STXBP5: variants seen among roughly 807,000 people sequenced by gnomAD.
The protein encoded by STXBP5 is syntaxin binding protein 5.
STXBP5 carries 50 observed loss-of-function variants against 152.4 expected under a neutral mutation model. That is an observed-to-expected ratio of 0.33 (90% CI 0.26 to 0.42). The LOEUF is 0.42. Among genes scored for constraint, STXBP5 ranks in the 10% least tolerant of loss-of-function variants. The pLI is 1.00. For missense variants in STXBP5, 1,167 were observed against 1,388.6 expected (o/e 0.84, Z 2.54); for synonymous variants, 492 against 494.7 (o/e 0.99, Z 0.07).
intron 2 of STXBP5, among the ~76,000 whole-genome samples, chr6:147,212,941 C>G (rs1403019175): frequency 6.6e-6 from 1 of 152,016 alleles, no homozygotes; most frequent in Non-Finnish European, 1.5e-5. Flanking sequence ...ACAAAATTCA[C>G]CTTCTTCCTT....
At chr6:147,221,328 G>A (rs2786188) in intron 2 of STXBP5, among the ~76,000 whole-genome samples, 147,733 of 152,094 alleles carry the variant, frequency 0.97, 71,798 homozygotes, top group East Asian at 1. Flanking sequence ...TACTAGATCA[G>A]TTAAGAAACA....
intron 19 of STXBP5, among the ~76,000 whole-genome samples, chr6:147,338,780 C>T (rs889838221): frequency 6.6e-6 from 1 of 151,598 alleles, no homozygotes; most frequent in Non-Finnish European, 1.5e-5. Context: ...CAAGTTTTAC[C>T]AGCAAATTTA....
rs573558914 is a variant in STXBP5, at chr6:147,385,975, C to T, written c.*1220C>T. Reference sequence around the variant, plus strand: ...CATATCCTTTCAAGGTTTTAAAAAACCAAAAAGAAAGGAAAATATGTACAC... The same window carrying T: ...CATATCCTTTCAAGGTTTTAAAAAATCAAAAAGAAAGGAAAATATGTACAC... On this transcript the variant is annotated 3_prime_UTR_variant, in exon 28 of 28. Coordinates refer to ENST00000321680, the MANE Select transcript of STXBP5 (RefSeq NM_001127715.4). 1 of 151,790 alleles carries T rather than the reference C, an allele frequency of 6.6e-6. No individual in the cohort carries two copies. The highest frequency in any genetic ancestry group is 2.4e-5 in the African/African-American group (1 of 41,348). 9.4% of individuals were successfully genotyped at this position (151,790 alleles called of 1,614,324 possible). A position where few individuals can be genotyped will look rare whatever the true frequency, so the allele number is the denominator to read the frequency against.
At position 147,359,221 on chromosome 6, in the gene STXBP5, C is replaced by T; in HGVS notation, c.2443C>T (p.Leu815=). The T allele has an allele frequency of 5.0e-6, 8 of 1,614,068 alleles. No individual in the cohort carries two copies. Among genetic ancestry groups the T allele is most frequent in the Non-Finnish European group, 6.8e-6 (8 of 1,179,948 alleles). Residue 815 remains leucine (L), a synonymous_variant, in exon 23 of 28, where the codon CTA becomes TTA. Transcript: ENST00000321680. The part of the protein sequence containing the change: ...RKTDSSPSPC[L]WVGTTLGTVL... ...GACGGACTCGTCCCCTTCCCCTTGT[C>T]TATGGGTTGGAACAACGCTAGGAAC...
chr6:147,285,860 C>G (rs1025622990), intron 8 of STXBP5, among the ~76,000 whole-genome samples: 1 of 152,104 alleles, frequency 6.6e-6, no homozygotes, highest in Non-Finnish European at 1.5e-5. Flanking sequence ...GGAGTTATTT[C>G]TGAATAATTG....
intron 16 of STXBP5, among the ~76,000 whole-genome samples, chr6:147,318,052 T>G (rs969726126): frequency 6.6e-6 from 1 of 151,852 alleles, no homozygotes; most frequent in Non-Finnish European, 1.5e-5. Flanking sequence ...TCAACAGAAT[T>G]AGAATGATTT....
At chr6:147,369,280 C>A (rs1019001772) in intron 25 of STXBP5, among the ~76,000 whole-genome samples, 24 of 152,044 alleles carry the variant, frequency 1.6e-4, no homozygotes, top group African/African-American at 5.8e-4. Flanking sequence ...CAAAAAAAAT[C>A]AGCTTTGATC....
chr6:147,267,673 T>C (rs1289615304), intron 7 of STXBP5, among the ~76,000 whole-genome samples: 3 of 152,066 alleles, frequency 2.0e-5, no homozygotes, highest in Non-Finnish European at 1.5e-5. Flanking sequence ...GTCTTTAACA[T>C]GTTTTTTTGT....
At position 147,206,011 on chromosome 6, in the gene STXBP5, C is replaced by T. The variant is rs755138008; in HGVS notation, c.191C>T (p.Ala64Val). The change falls in exon 2 of 28, where the codon GCC (alanine) becomes GTC (valine). Residue 64 changes from alanine to valine, a missense_variant. Around this residue, in one of 3 missense-constraint regions of STXBP5, gnomAD observed 310 missense variants for 346.1 expected, o/e 0.90. Transcript: ENST00000321680. ...HGFPYQPSALAFDPVQKILAV... is the reference protein window; with the variant it reads ...HGFPYQPSALVFDPVQKILAV... ...TTTCCCTATCAACCCTCAGCCCTGG[C>T]CTTTGATCCTGTACAGAAGATCCTG... The T allele has an allele frequency of 2.5e-6, 4 of 1,614,134 alleles. No homozygotes were observed. The South Asian group carries it at 3.3e-5, about 13-fold the overall frequency.
chr6:147,363,943 G>A, intron 24 of STXBP5, 58 bp from the exon 25 acceptor site: 1 of 1,537,566 alleles, frequency 6.5e-7, no homozygotes, highest in Non-Finnish European at 8.8e-7. Flanking sequence ...AACAATGATA[G>A]TGTGTTCAAG....
chr6:147,258,724 C>T (rs141169020), intron 4 of STXBP5, among the ~76,000 whole-genome samples: 5,384 of 152,270 alleles, frequency 0.035, 145 homozygotes, highest in Admixed American at 0.054. Flanking sequence ...TGAGCCACCG[C>T]GCCCAGCCCA....
intron 27 of STXBP5, 101 bp from the exon 28 acceptor site, chr6:147,384,613 T>C (rs1786250265): frequency 8.4e-7 from 1 of 1,194,434 alleles, no homozygotes; most frequent in East Asian, 2.4e-5. Context: ...CTACAGAATA[T>C]TGCAGAATGA....
At chr6:147,295,020 A>G (rs1781447954) in intron 9 of STXBP5, among the ~76,000 whole-genome samples, 1 of 152,166 alleles carries the variant, frequency 6.6e-6, no homozygotes, top group Admixed American at 6.5e-5. Flanking sequence ...TTGGTAGGTT[A>G]CCTAACCTCG....
chr6:147,235,378 C>T, intron 3 of STXBP5, 47 bp downstream of exon 3: 1 of 1,441,478 alleles, frequency 6.9e-7, no homozygotes, highest in Non-Finnish European at 9.6e-7. Context: ...AAAATAGGGC[C>T]ACTTCTAGTC....
At position 147,364,065 on chromosome 6, in the gene STXBP5, A is replaced by G. The variant is rs1327891345; in HGVS notation, c.2980A>G (p.Arg994Gly). Residue 994 changes from arginine (R) to glycine (G), a missense_variant, in exon 25 of 28, where the codon AGA (arginine) becomes GGA (glycine). By Grantham distance (125) the Arg-to-Gly change is moderately radical. Around this residue, in one of 3 missense-constraint regions of STXBP5, gnomAD observed 833 missense variants for 986.3 expected, o/e 0.84. Coordinates refer to ENST00000321680, the MANE Select transcript of STXBP5 (RefSeq NM_001127715.4). ...GCCCCTTACCAATATGCGGATAGCC[A>G]GAACGTTCTGCTTTACCAACAATGG... ...YLPLTNMRIA[R>G]TFCFTNNGQA... 6.2e-7 allele frequency: 1 copy of G among 1,613,946 alleles called. No homozygotes were observed.
chr6:147,384,733 A>T lies in STXBP5; in HGVS notation c.3434A>T (p.Asp1145Val), dbSNP rs1786260457. The T allele has an allele frequency of 6.2e-7, 1 of 1,611,968 alleles. No homozygotes were observed. Among genetic ancestry groups the T allele is most frequent in the South Asian group, 1.1e-5 (1 of 90,736 alleles). Residue 1145 changes from aspartate (D) to valine (V), a missense_variant, in exon 28 of 28, where the codon GAT becomes GTT. Around this residue, in one of 3 missense-constraint regions of STXBP5, gnomAD observed 833 missense variants for 986.3 expected, o/e 0.84. Coordinates refer to ENST00000321680, the MANE Select transcript of STXBP5 (RefSeq NM_001127715.4). ...HAHEIMLKYK[D>V]KKWYQF Reference sequence around the variant, plus strand: ...CTTTAGATTATGTTGAAATACAAAGATAAGAAGTGGTACCAGTTCTGACAA... The same window carrying T: ...CTTTAGATTATGTTGAAATACAAAGTTAAGAAGTGGTACCAGTTCTGACAA...
At chr6:147,367,833 A>G (rs566690393) in intron 25 of STXBP5, among the ~76,000 whole-genome samples, 1 of 152,292 alleles carries the variant, frequency 6.6e-6, no homozygotes, top group African/African-American at 2.4e-5. Context: ...GAGAAGTCTC[A>G]TTACTATATA....
intron 21 of STXBP5, among the ~76,000 whole-genome samples, chr6:147,340,283 G>A (rs1784031241): frequency 6.6e-6 from 1 of 152,002 alleles, no homozygotes; most frequent in African/African-American, 2.4e-5. Flanking sequence ...ATTCTTAGAA[G>A]TAACATCCAT....
intron 18 of STXBP5, 96 bp from the exon 19 acceptor site, chr6:147,334,061 T>C (rs769648247): frequency 1.6e-5 from 20 of 1,217,072 alleles, no homozygotes; most frequent in Non-Finnish European, 2.2e-5. Flanking sequence ...TGGGTTCTTT[T>C]AAATGGACAG....
Sources: allele counts gnomAD v4.1 joint callset (sites outside exome capture counted in the v4.1 genomes callset), GRCh38; gene constraint gnomAD v4.1.1; regional missense constraint gnomAD v4.1.1; transcripts MANE v1.5; gene names NCBI Gene and HGNC (gene_info 2026-07-23, HGNC 2026-07-21).